Variants in FBXO28 observed in about 807,000 individuals in gnomAD.
FBXO28 encodes the protein F-box protein 28.
Under a neutral mutation model 38.1 loss-of-function variants are expected in FBXO28, and 8 were observed. The ratio of observed to expected loss-of-function variants is 0.21; its 90% confidence interval spans 0.12 to 0.38. FBXO28 has a LOEUF of 0.38. Ranked by LOEUF, FBXO28 falls within the 10% of genes least tolerant of loss-of-function variation. The pLI is 1.00. For missense variants in FBXO28, 345 were observed against 460.6 expected (o/e 0.75, Z 2.30); for synonymous variants, 168 against 173.8 (o/e 0.97, Z 0.26).
In FBXO28 at chr1:224,157,362, G is replaced by A. The variant is rs201209850; in HGVS notation, c.723G>A (p.Pro241=). 80 of 1,607,188 alleles carry A rather than the reference G, an allele frequency of 5.0e-5. No individual in the cohort carries two copies. Among genetic ancestry groups the A allele is most frequent in the Middle Eastern group, 1.7e-4 (1 of 6,006 alleles). The change falls in exon 5 of 5, where the codon CCG becomes CCA. Residue 241 remains proline, a synonymous_variant. Coordinates refer to ENST00000366862, the MANE Select transcript of FBXO28 (RefSeq NM_015176.4). ...ATTATTCCTCCACAGTTCCAGGACC[G>A]TCTGCAGCCCTAACAACAATGCAGC... ...RLMGSPPVPG[P]SAALTTMQLF...
Position 224,114,326 on chromosome 1 carries a change from C to G in FBXO28, c.197C>G (p.Ala66Gly). ...CTGCCTCAAAACAACACGCTTGTGG[C>G]GCTGCCCATCGTAGCCATCGAGAAC... The part of the protein sequence containing the change: ...DQLPQNNTLV[A>G]LPIVAIENIL... The change falls in exon 1 of 5, where the codon GCG (alanine) becomes GGG (glycine). Residue 66 changes from alanine (A) to glycine (G), a missense_variant. Ala to Gly is a moderately conservative substitution (Grantham distance 60, BLOSUM62 0). This residue lies in a region of FBXO28 where 56 missense variants were observed against 99.8 expected (regional missense o/e 0.56). Coordinates refer to ENST00000366862, the MANE Select transcript of FBXO28 (RefSeq NM_015176.4). The G allele has an allele frequency of 1.3e-6, 2 of 1,585,690 alleles. No individual in the cohort carries two copies. Among genetic ancestry groups the G allele is most frequent in the Non-Finnish European group, 1.7e-6 (2 of 1,165,832 alleles).
At chr1:224,133,315 A>T (rs1039777243) in intron 2 of FBXO28, among the ~76,000 whole-genome samples, 12 of 152,318 alleles carry the variant, frequency 7.9e-5, no homozygotes, top group African/African-American at 2.9e-4. Flanking sequence ...CTGTGAGTAT[A>T]CTAAACACCA....
At chr1:224,126,762 A>T (rs1656912916) in intron 1 of FBXO28, among the ~76,000 whole-genome samples, 1 of 152,226 alleles carries the variant, frequency 6.6e-6, no homozygotes, top group Non-Finnish European at 1.5e-5. Context: ...GTGAGCCGAG[A>T]TCACGCCACT....
intron 2 of FBXO28, 44 bp from the exon 3 acceptor site, chr1:224,134,030 C>G (rs1471841434): frequency 1.4e-6 from 2 of 1,401,144 alleles, no homozygotes; most frequent in Non-Finnish European, 1.9e-6. Context: ...GTCCACAATA[C>G]TGCTTTAATG....
intron 4 of FBXO28, among the ~76,000 whole-genome samples, chr1:224,153,645 G>A (rs1657698008): frequency 6.6e-6 from 1 of 152,188 alleles, no homozygotes; most frequent in Non-Finnish European, 1.5e-5. Flanking sequence ...GCCCGGCCAG[G>A]CGCAGTGGGT....
At chr1:224,153,571 C>T (rs995603790) in intron 4 of FBXO28, among the ~76,000 whole-genome samples, 2 of 152,162 alleles carry the variant, frequency 1.3e-5, no homozygotes, top group Non-Finnish European at 1.5e-5. Flanking sequence ...AGCGGTCTTG[C>T]GACTAAATCT....
intron 3 of FBXO28, among the ~76,000 whole-genome samples, chr1:224,142,805 G>A (rs972718603): frequency 3.9e-5 from 6 of 152,104 alleles, no homozygotes; most frequent in Non-Finnish European, 7.4e-5. Context: ...AAAAAGCCAG[G>A]CATGGTGGTG....
chr1:224,143,988 T>A (rs1413628106), intron 3 of FBXO28, among the ~76,000 whole-genome samples: 2 of 146,420 alleles, frequency 1.4e-5, no homozygotes, highest in Non-Finnish European at 3.0e-5. Context: ...CATCCTCTAC[T>A]AAAAATACAA....
chr1:224,158,020 AAAGT>A lies in FBXO28; in HGVS notation c.*279_*282del. ...ACTTTTTTCTGTGCAGATAATGTTGAAAGTAAGTTAATTTGTTTCTGCATATATG... is the reference window on the plus strand; with the variant it reads ...ACTTTTTTCTGTGCAGATAATGTTGAAAGTTAATTTGTTTCTGCATATATG... On this transcript the variant is annotated 3_prime_UTR_variant, in exon 5 of 5. Coordinates refer to ENST00000366862, the MANE Select transcript of FBXO28 (RefSeq NM_015176.4). 1 of 1,182,528 alleles carries A rather than the reference AAAGT, an allele frequency of 8.5e-7. No individual in the cohort carries two copies. The highest frequency in any genetic ancestry group is 3.5e-4 in the Middle Eastern group (1 of 2,862). 73.3% of individuals were successfully genotyped at this position (1,182,528 alleles called of 1,614,324 possible).
At chr1:224,131,589 C>T (rs888832438) in intron 2 of FBXO28, among the ~76,000 whole-genome samples, 9 of 152,150 alleles carry the variant, frequency 5.9e-5, no homozygotes, top group African/African-American at 1.9e-4. Context: ...GTATTTTCAA[C>T]AAATGATGCT....
chr1:224,157,228 A>G (rs1657793800), intron 4 of FBXO28, 124 bp from the exon 5 acceptor site: 13 of 1,193,172 alleles, frequency 1.1e-5, no homozygotes, highest in African/African-American at 1.5e-5. Context: ...GACCAAATGG[A>G]TTGCAAAGAA....
At chr1:224,146,793 T>C (rs1307021359) in intron 3 of FBXO28, among the ~76,000 whole-genome samples, 2 of 147,728 alleles carry the variant, frequency 1.4e-5, no homozygotes, top group Non-Finnish European at 3.0e-5. Context: ...CTGCAACCTC[T>C]GCCTCCCAGG....
intron 1 of FBXO28, among the ~76,000 whole-genome samples, chr1:224,118,008 T>A (rs1017628850): frequency 6.2e-4 from 85 of 138,162 alleles, no homozygotes; most frequent in African/African-American, 2.4e-3. Context: ...TTAATTTATT[T>A]ATTTATTTAT....
intron 3 of FBXO28, among the ~76,000 whole-genome samples, chr1:224,138,474 A>T (rs1055228578): frequency 1.3e-5 from 2 of 151,870 alleles, no homozygotes; most frequent in Non-Finnish European, 2.9e-5. Context: ...TAGTTGGCCA[A>T]CCCTAAGTAC....
intron 3 of FBXO28, among the ~76,000 whole-genome samples, chr1:224,147,951 TAGA>T (rs1657550805): frequency 6.6e-6 from 1 of 152,150 alleles, no homozygotes; most frequent in Non-Finnish European, 1.5e-5. Context: ...CTCTGAATGG[TAGA>T]AGCAGTATGG....
rs1342250654 is a variant in FBXO28, at chr1:224,161,072, CCTTATT to C, written c.*3331_*3336del. 1 of 152,126 alleles carries C rather than the reference CCTTATT, an allele frequency of 6.6e-6. No homozygotes were observed. Among genetic ancestry groups the C allele is most frequent in the Non-Finnish European group, 1.5e-5 (1 of 68,024 alleles). The allele number at this position is 152,126 out of a possible 1,614,324, so 9.4% of individuals were successfully genotyped here. A position where few individuals can be genotyped will look rare whatever the true frequency, so the allele number is the denominator to read the frequency against. On this transcript the variant is annotated 3_prime_UTR_variant, in exon 5 of 5. Coordinates refer to ENST00000366862, the MANE Select transcript of FBXO28 (RefSeq NM_015176.4). ...AACGATGTATGATGTCCCACTTGTT[CCTTATT>C]CTTAATAAACTTTTTCCTGAGACAG...
At chr1:224,126,939 A>AT (rs1290831638) in intron 1 of FBXO28, among the ~76,000 whole-genome samples, 1 of 152,128 alleles carries the variant, frequency 6.6e-6, no homozygotes, top group East Asian at 1.9e-4. Flanking sequence ...TCTATTTGAT[A>AT]TTATCTGTTA....
At chr1:224,133,523 A>G (rs1232215493) in intron 2 of FBXO28, among the ~76,000 whole-genome samples, 1 of 151,750 alleles carries the variant, frequency 6.6e-6, no homozygotes, top group African/African-American at 2.4e-5. Flanking sequence ...CTTTACTTTT[A>G]TTTTTATTTT....
intron 2 of FBXO28, among the ~76,000 whole-genome samples, chr1:224,131,546 A>G (rs1657049269): frequency 6.6e-6 from 1 of 152,218 alleles, no homozygotes; most frequent in Non-Finnish European, 1.5e-5. Context: ...GATTTTAACA[A>G]GGATGTCAAG....
Sources: allele counts gnomAD v4.1 joint callset (sites outside exome capture counted in the v4.1 genomes callset), GRCh38; gene constraint gnomAD v4.1.1; regional missense constraint gnomAD v4.1.1; transcripts MANE v1.5; gene names NCBI Gene and HGNC (gene_info 2026-07-23, HGNC 2026-07-21).